The following ACSBG2 variants were observed in gnomAD, a reference collection of about 807,000 sequenced individuals.
ACSBG2 encodes acyl-CoA synthetase bubblegum family member 2, also known as long-chain-fatty-acid--CoA ligase ACSBG2.
ACSBG2 carries 62 observed loss-of-function variants against 74.7 expected under a neutral mutation model. The ratio of observed to expected loss-of-function variants is 0.83; its 90% CI spans 0.68 to 1.03. The LOEUF (loss-of-function observed/expected upper bound fraction) is 1.03. Ranked by LOEUF, ACSBG2 falls within the 50% of genes least tolerant of loss-of-function variation. ACSBG2 has a pLI of 0.00. For synonymous variants in ACSBG2, 309 were observed against 294.1 expected (o/e 1.05, Z -0.52); for missense variants, 730 against 817.6 (o/e 0.89, Z 1.31).
intron 7 of ACSBG2, chr19:6,175,264 T>C (rs1192629255): frequency 6.6e-6 from 1 of 152,158 alleles, no homozygotes; most frequent in Non-Finnish European, 1.5e-5. Context: ...CAGTTAACCA[T>C]TCCTTCTATT....
chr19:6,183,136 A>G lies in ACSBG2; in HGVS notation c.1186A>G (p.Ser396Gly). ...LGLDHCHSFI[S>G]GTAPLNQETA... ...CTTGGATCACTGTCACTCTTTTATC[A>G]GTGGGACTGCGCCCCTCAACCAAGA... Residue 396 changes from serine to glycine, a missense_variant, in exon 10 of 15, where the codon AGT (serine) becomes GGT (glycine). Ser to Gly is a moderately conservative substitution (Grantham distance 56, BLOSUM62 0). Transcript: ENST00000588485. The G allele has an allele frequency of 6.2e-7, 1 of 1,614,230 alleles. No homozygotes were observed. Among genetic ancestry groups the G allele is most frequent in the South Asian group, 1.1e-5 (1 of 91,084 alleles).
chr19:6,191,424 A>G (rs151056336), intron 14 of ACSBG2: 103 of 152,274 alleles, frequency 6.8e-4, no homozygotes, highest in African/African-American at 2.5e-3. Context: ...CTTAAACAAC[A>G]TAAACTTATT....
chr19:6,141,363 G>A (rs978753673), intron 1 of ACSBG2, 150 bp from the exon 2 acceptor site: 25 of 559,022 alleles, frequency 4.5e-5, no homozygotes, highest in African/African-American at 1.1e-4. Flanking sequence ...CTGGCATGCC[G>A]GCCACTCTCC....
intron 1 of ACSBG2, among the ~76,000 whole-genome samples, chr19:6,140,843 T>C (rs1421730349): frequency 6.6e-6 from 1 of 152,252 alleles, no homozygotes; most frequent in Non-Finnish European, 1.5e-5. Context: ...CATCATATTT[T>C]CTGTTGTATT....
intron 2 of ACSBG2, among the ~76,000 whole-genome samples, chr19:6,146,035 A>G (rs952027025): frequency 2.6e-5 from 4 of 152,210 alleles, no homozygotes; most frequent in Non-Finnish European, 5.9e-5. Flanking sequence ...CAAAGCATAC[A>G]TAGTCCACTG....
At chr19:6,164,913 C>T (rs987998370) in intron 6 of ACSBG2, among the ~76,000 whole-genome samples, 30 of 152,204 alleles carry the variant, frequency 2.0e-4, no homozygotes, top group African/African-American at 6.5e-4. Flanking sequence ...GGTTTGAATG[C>T]TAGCTCCTCT....
chr19:6,169,843 T>G (rs2089915259), intron 7 of ACSBG2, among the ~76,000 whole-genome samples: 1 of 152,220 alleles, frequency 6.6e-6, no homozygotes, highest in African/African-American at 2.4e-5. Flanking sequence ...GTGTAGCTAC[T>G]GTAAATGGGA....
At chr19:6,173,042 C>T (rs1013404626) in intron 7 of ACSBG2, among the ~76,000 whole-genome samples, 1 of 152,174 alleles carries the variant, frequency 6.6e-6, no homozygotes, top group Admixed American at 6.5e-5. Context: ...GACCCCTTCT[C>T]CATGTCTTTT....
chr19:6,170,568 A>G (rs1256500465), intron 7 of ACSBG2, among the ~76,000 whole-genome samples: 2 of 152,080 alleles, frequency 1.3e-5, no homozygotes, highest in East Asian at 3.9e-4. Flanking sequence ...TCCTCTTGGT[A>G]TTGATTTCTA....
intron 1 of ACSBG2, among the ~76,000 whole-genome samples, chr19:6,141,193 G>A (rs773705374): frequency 6.6e-6 from 1 of 152,170 alleles, no homozygotes; most frequent in Non-Finnish European, 1.5e-5. Flanking sequence ...GAAGATAAAT[G>A]TGTGGTCCCA....
At position 6,140,014 on chromosome 19, in the gene ACSBG2, G is replaced by A. The variant is rs182874582; in HGVS notation, c.-31-1499G>A. Among the ~76,000 whole-genome samples, 191 of 152,254 alleles carry A rather than the reference G, an allele frequency of 1.3e-3. 1 individual carries two copies. The highest frequency in any genetic ancestry group is 3.4e-3 in the Middle Eastern group (1 of 294). On this transcript the variant is annotated intron_variant, in intron 1 of 14. Coordinates refer to ENST00000588485, the MANE Select transcript of ACSBG2 (RefSeq NM_030924.5). ...CGAGGCGGGCAGATCACGAGGTCAG[G>A]AGATCGAGACCATCCTGGCAAACAC...
Position 6,151,743 on chromosome 19 carries a change from G to T in ACSBG2, c.334G>T (p.Gly112Trp). The stretch of plus-strand genomic sequence containing the variant: ...GCGTTTCCACGGAGTTGGTATCCTG[G>T]GGTTTAACTCTGCAGAGTGGTTTAT... ...LERFHGVGIL[G>W]FNSAEWFITA... The change falls in exon 4 of 15, where the codon GGG (glycine) becomes TGG (tryptophan). Residue 112 changes from glycine to tryptophan, a missense_variant. Transcript: ENST00000588485. The T allele has an allele frequency of 3.7e-6, 6 of 1,603,634 alleles. No homozygotes were observed. The highest frequency in any genetic ancestry group is 4.3e-6 in the Non-Finnish European group (5 of 1,174,980).
intron 2 of ACSBG2, among the ~76,000 whole-genome samples, chr19:6,146,656 T>G (rs1428088483): frequency 2.0e-5 from 3 of 152,044 alleles, no homozygotes; most frequent in African/African-American, 7.2e-5. Context: ...TCCCAGCTAC[T>G]CGGGAGGCTG....
intron 4 of ACSBG2, among the ~76,000 whole-genome samples, chr19:6,155,934 A>T (rs1190943376): frequency 6.6e-6 from 1 of 151,806 alleles, no homozygotes; most frequent in Non-Finnish European, 1.5e-5. Context: ...AAAAAAAAAA[A>T]AATTGAAAGG....
intron 7 of ACSBG2, among the ~76,000 whole-genome samples, chr19:6,166,416 T>C (rs1032422572): frequency 6.7e-6 from 1 of 150,020 alleles, no homozygotes; most frequent in Non-Finnish European, 1.5e-5. Flanking sequence ...TCCGTTCAAG[T>C]GATTTTCCTG....
intron 14 of ACSBG2, among the ~76,000 whole-genome samples, chr19:6,192,412 T>G (rs1266852915): frequency 6.6e-6 from 1 of 152,242 alleles, no homozygotes; most frequent in Non-Finnish European, 1.5e-5. Context: ...TGTGAGCCAC[T>G]GTGCCTGGCC....
At chr19:6,184,867 A>ACG (rs1415799021) in intron 10 of ACSBG2, among the ~76,000 whole-genome samples, 3 of 141,846 alleles carry the variant, frequency 2.1e-5, no homozygotes, top group Non-Finnish European at 4.5e-5. Context: ...AAAAAAAAAA[A>ACG]AAAAACGAAA....
At chr19:6,148,659 A>G (rs201183242) in intron 3 of ACSBG2, among the ~76,000 whole-genome samples, 2 of 126,414 alleles carry the variant, frequency 1.6e-5, no homozygotes, top group African/African-American at 5.5e-5. Context: ...AAAAAAAAAA[A>G]AAAGAGAACC....
intron 4 of ACSBG2, among the ~76,000 whole-genome samples, chr19:6,153,880 A>AACGAAAAAAGAAAAG (rs2089320071): frequency 9.3e-6 from 1 of 107,696 alleles, no homozygotes; most frequent in Admixed American, 1.2e-4. Context: ...AAAGAAAAGA[A>AACGAAAAAAGAAAAG]AAGGAAAAGA....
Sources: gnomAD v4.1 joint callset for allele counts (sites outside exome capture counted in the v4.1 genomes callset) on GRCh38, gnomAD v4.1.1 for gene constraint, MANE v1.5 for transcripts, NCBI Gene and HGNC (gene_info 2026-07-23, HGNC 2026-07-21) for gene names.